TMEM135: variants seen among roughly 807,000 people sequenced by gnomAD.
The protein encoded by TMEM135 is peroxisomal membrane protein 52.
Under a neutral mutation model 60.3 loss-of-function variants are expected in TMEM135, and 30 were observed. That is an observed-to-expected ratio of 0.50 (90% CI 0.37 to 0.68). TMEM135 has a LOEUF of 0.68. Ranked by LOEUF, TMEM135 falls within the 30% of genes least tolerant of loss-of-function variation. The pLI, the probability that TMEM135 is intolerant of heterozygous loss-of-function variation, is 0.00. For synonymous variants in TMEM135, 190 were observed against 186.7 expected, an observed-to-expected ratio of 1.02 and a Z score of -0.14; for missense variants, 468 against 548.8, an observed-to-expected ratio of 0.85 and a Z score of 1.47.
At chr11:87,248,063 G>A (rs1354898236) in intron 6 of TMEM135, among the ~76,000 whole-genome samples, 4 of 151,092 alleles carry the variant, frequency 2.6e-5, no homozygotes, top group East Asian at 1.9e-4. Context: ...GCATTCCATC[G>A]TGAGTGTGTA....
intron 6 of TMEM135, among the ~76,000 whole-genome samples, chr11:87,265,468 A>G (rs1941729205): frequency 6.6e-6 from 1 of 151,880 alleles, no homozygotes; most frequent in African/African-American, 2.4e-5. Flanking sequence ...ATTACTCCTC[A>G]ATGTTTTCTC....
At chr11:87,242,008 C>G (rs1040859212) in intron 6 of TMEM135, among the ~76,000 whole-genome samples, 2 of 151,850 alleles carry the variant, frequency 1.3e-5, no homozygotes, top group East Asian at 1.9e-4. Context: ...CCCTGCCCCC[C>G]ACCCCACAAC....
At chr11:87,191,710 T>G (rs1591091003) in intron 5 of TMEM135, among the ~76,000 whole-genome samples, 1 of 152,306 alleles carries the variant, frequency 6.6e-6, no homozygotes, top group South Asian at 2.1e-4. Context: ...TCGGAATTGT[T>G]TGCAACAGTG....
intron 6 of TMEM135, among the ~76,000 whole-genome samples, chr11:87,276,551 AGAGT>A (rs976997626): frequency 6.6e-6 from 1 of 150,602 alleles, no homozygotes; most frequent in African/African-American, 2.5e-5. Context: ...AGTTTATATA[AGAGT>A]GTTTGTGTGT....
In TMEM135 at chr11:87,324,039, C is replaced by CTGAA. The variant is rs1449512276; in HGVS notation, c.*2707_*2710dup. 2 of 453,830 alleles carry CTGAA rather than the reference C, an allele frequency of 4.4e-6. No individual in the cohort carries two copies. Among genetic ancestry groups the CTGAA allele is most frequent in the Non-Finnish European group, 8.8e-6 (2 of 226,768 alleles). The allele number at this position is 453,830 out of a possible 1,614,324, so 28.1% of individuals were successfully genotyped here. Reference sequence around the variant, plus strand: ...GATTTTATAATGAACTTTTATTAGACTGAACATGTATGTTTTTGATGGAAT... The same window carrying CTGAA: ...GATTTTATAATGAACTTTTATTAGACTGAATGAACATGTATGTTTTTGATGGAAT... On this transcript the variant is annotated 3_prime_UTR_variant, in exon 15 of 15. Coordinates refer to ENST00000305494, the MANE Select transcript of TMEM135 (RefSeq NM_022918.4).
At chr11:87,140,926 T>G (rs746972732) in intron 4 of TMEM135, among the ~76,000 whole-genome samples, 34 of 152,180 alleles carry the variant, frequency 2.2e-4, no homozygotes, top group South Asian at 6.2e-4. Context: ...TTGTAGAAAA[T>G]CAATTGGACA....
chr11:87,229,596 C>G (rs1466519028), intron 5 of TMEM135, among the ~76,000 whole-genome samples: 1 of 152,086 alleles, frequency 6.6e-6, no homozygotes, highest in African/African-American at 2.4e-5. Context: ...ATGTACTTGT[C>G]CTTTGACAAG....
At chr11:87,055,328 T>A (rs1440376009) in intron 1 of TMEM135, among the ~76,000 whole-genome samples, 1 of 152,176 alleles carries the variant, frequency 6.6e-6, no homozygotes, top group Non-Finnish European at 1.5e-5. Context: ...ACAAATCCAA[T>A]ACCCTGGTCA....
At chr11:87,291,007 A>G (rs1230553209) in intron 6 of TMEM135, among the ~76,000 whole-genome samples, 1 of 152,226 alleles carries the variant, frequency 6.6e-6, no homozygotes, top group Non-Finnish European at 1.5e-5. Context: ...TCCTTTGAAG[A>G]GATTTTCTGC....
intron 3 of TMEM135, among the ~76,000 whole-genome samples, chr11:87,077,910 G>A (rs2445576): frequency 0.55 from 83,749 of 152,038 alleles, 23,908 homozygotes; most frequent in East Asian, 0.71. Flanking sequence ...GATGTCATAC[G>A]TATCATTTCA....
chr11:87,225,488 A>G (rs1038035486), intron 5 of TMEM135, among the ~76,000 whole-genome samples: 5 of 152,062 alleles, frequency 3.3e-5, no homozygotes, highest in Non-Finnish European at 5.9e-5. Flanking sequence ...ACAAGGACAG[A>G]CACATCTTGT....
intron 5 of TMEM135, among the ~76,000 whole-genome samples, chr11:87,223,662 TGCAC>T (rs200801267): frequency 0.063 from 8,477 of 134,210 alleles, 258 homozygotes; most frequent in African/African-American, 0.083. Context: ...AATACGCACA[TGCAC>T]GCACACACAC....
At chr11:87,307,711 G>A (rs185386463) in intron 9 of TMEM135, among the ~76,000 whole-genome samples, 12 of 152,234 alleles carry the variant, frequency 7.9e-5, no homozygotes, top group African/African-American at 2.9e-4. Context: ...GAGACCTGTG[G>A]GTGAGGAATT....
chr11:87,254,955 C>G (rs560110927), intron 6 of TMEM135, among the ~76,000 whole-genome samples: 14 of 152,284 alleles, frequency 9.2e-5, no homozygotes, highest in African/African-American at 2.6e-4. Flanking sequence ...GCTTGGACAA[C>G]ATAGGGAGAC....
chr11:87,321,083 C>T (rs1252819454), intron 14 of TMEM135, 118 bp from the exon 15 acceptor site: 1 of 860,848 alleles, frequency 1.2e-6, no homozygotes, highest in African/African-American at 1.7e-5. Context: ...GAATTTAGAT[C>T]CTTTGCCACG....
intron 1 of TMEM135, among the ~76,000 whole-genome samples, chr11:87,062,927 A>G (rs991376046): frequency 6.6e-6 from 1 of 152,216 alleles, no homozygotes; most frequent in African/African-American, 2.4e-5. Context: ...GATTAAAAAT[A>G]AAATCTGTTA....
chr11:87,259,111 G>T, intron 6 of TMEM135: 1 of 865,160 alleles, frequency 1.2e-6, no homozygotes, highest in Non-Finnish European at 1.9e-6. Context: ...ACCCTCTTCG[G>T]AAACATCTCC....
At chr11:87,071,441 A>G in intron 2 of TMEM135, 82 bp from the exon 3 acceptor site, 2 of 1,023,552 alleles carry the variant, frequency 2.0e-6, no homozygotes, top group Non-Finnish European at 3.1e-6. Flanking sequence ...TAGAGTATGG[A>G]TGGAGAAGGG....
chr11:87,109,903 T>C (rs928209911), intron 4 of TMEM135, among the ~76,000 whole-genome samples: 1 of 152,170 alleles, frequency 6.6e-6, no homozygotes, highest in Non-Finnish European at 1.5e-5. Context: ...ATGTGTTAAT[T>C]AGATAGAGAA....
Sources: allele counts gnomAD v4.1 joint callset (sites outside exome capture counted in the v4.1 genomes callset), GRCh38; gene constraint gnomAD v4.1.1; transcripts MANE v1.5; gene names NCBI Gene and HGNC (gene_info 2026-07-23, HGNC 2026-07-21).